Variants in PLXNA4 observed in about 807,000 individuals in gnomAD.
The protein encoded by PLXNA4 is plexin-A4.
In PLXNA4, 44 loss-of-function variants were observed where a neutral mutation model predicts 191.8. That is an observed-to-expected ratio of 0.23 (90% CI 0.18 to 0.29). PLXNA4 has a LOEUF of 0.29. Ranked by LOEUF, PLXNA4 falls within the 10% of genes least tolerant of loss-of-function variation. The probability of loss-of-function intolerance (pLI) is 1.00; values close to 1 mark genes in which losing one functional copy is unlikely to be tolerated. For missense variants in PLXNA4, 1,800 were observed against 2,488.8 expected (o/e 0.72, Z 5.89); for synonymous variants, 1,082 against 1,009.5 (o/e 1.07, Z -1.36).
At chr7:132,635,188 A>ATATATATATATATATATATATC in intron 2 of PLXNA4, among the ~76,000 whole-genome samples, 1 of 147,880 alleles carries the variant, frequency 6.8e-6, no homozygotes, top group African/African-American at 2.5e-5. Context: ...ATATATATAT[A>ATATATATATATATATATATATC]TATATATATA....
At chr7:132,428,868 G>A (rs2117183883) in intron 3 of PLXNA4, among the ~76,000 whole-genome samples, 1 of 152,246 alleles carries the variant, frequency 6.6e-6, no homozygotes, top group South Asian at 2.1e-4. Flanking sequence ...GCACTTCAGG[G>A]GAAAAGAAAA....
intron 3 of PLXNA4, among the ~76,000 whole-genome samples, chr7:132,342,689 A>G (rs1158457529): frequency 1.3e-5 from 2 of 151,972 alleles, no homozygotes; most frequent in Non-Finnish European, 2.9e-5. Context: ...GCTCACGCCT[A>G]TAATCCCAGC....
At chr7:132,263,029 G>C (rs147031288) in intron 4 of PLXNA4, among the ~76,000 whole-genome samples, 1 of 152,236 alleles carries the variant, frequency 6.6e-6, no homozygotes, top group South Asian at 2.1e-4. Flanking sequence ...GTGACCCCTC[G>C]TAAGCTTCCA....
chr7:132,647,370 C>T lies in PLXNA4; in HGVS notation c.-203+1144G>A, dbSNP rs558570216. On this transcript the variant is annotated intron_variant, in intron 1 of 4. Transcript: ENST00000378539. Reference sequence around the variant, plus strand: ...TCACACATACACTGACATACACACACACATGCAGTCATGCACATATACACT... The same window carrying T: ...TCACACATACACTGACATACACACATACATGCAGTCATGCACATATACACT... Among the ~76,000 whole-genome samples the T allele has an allele frequency of 6.3e-4, 95 of 151,854 alleles. 2 individuals are homozygous for T. Among genetic ancestry groups the T allele is most frequent in the Non-Finnish European group, 1.0e-3 (69 of 67,990 alleles).
At chr7:132,514,196 C>T (rs540267275) in intron 1 of PLXNA4, among the ~76,000 whole-genome samples, 33 of 151,538 alleles carry the variant, frequency 2.2e-4, no homozygotes, top group Non-Finnish European at 3.8e-4. Flanking sequence ...GGACTACAGG[C>T]GCCCGCCACC....
intron 3 of PLXNA4, among the ~76,000 whole-genome samples, chr7:132,355,002 G>A (rs1323691220): frequency 6.6e-6 from 1 of 152,184 alleles, no homozygotes; most frequent in Non-Finnish European, 1.5e-5. Flanking sequence ...AACTCTCCAC[G>A]ATGGGAGGTC....
At chr7:132,189,013 A>AAAG (rs1562909013) in intron 14 of PLXNA4, among the ~76,000 whole-genome samples, 3,187 of 67,646 alleles carry the variant, frequency 0.047, 172 homozygotes, top group African/African-American at 0.1. Flanking sequence ...AGAGAGAGAG[A>AAAG]GAGAGAGAGA....
intron 3 of PLXNA4, among the ~76,000 whole-genome samples, chr7:132,299,171 G>T (rs6957015): frequency 0.14 from 21,340 of 152,252 alleles, 1,772 homozygotes; most frequent in African/African-American, 0.22. Context: ...ATTACTGAGA[G>T]TGTGGCTAGG....
chr7:132,197,399 C>G (rs1341267449), intron 13 of PLXNA4, among the ~76,000 whole-genome samples: 1 of 152,176 alleles, frequency 6.6e-6, no homozygotes, highest in Non-Finnish European at 1.5e-5. Flanking sequence ...CTTTACTGAT[C>G]TAACTGGTAT....
chr7:132,124,085 T>A lies in PLXNA4; in HGVS notation c.*6394A>T, dbSNP rs1324021623. 1 of 152,232 alleles carries A rather than the reference T, an allele frequency of 6.6e-6. No individual in the cohort carries two copies. The highest frequency in any genetic ancestry group is 1.5e-5 in the Non-Finnish European group (1 of 68,066). 9.4% of individuals were successfully genotyped at this position (152,232 alleles called of 1,614,324 possible). On this transcript the variant is annotated 3_prime_UTR_variant, in exon 32 of 32. Transcript: ENST00000321063. ...CCCACCTCAGGGCCTGGAGGCCTTG[T>A]TCCTGCTCAAAGCAGCCAACACACG...
Position 132,355,773 on chromosome 7 carries a change from TGGGG to T in PLXNA4, c.1372-57555_1372-57552del, listed in dbSNP as rs548856862. 8.4e-4 allele frequency among the ~76,000 whole-genome samples: 127 copies of T among 151,702 alleles called. 1 individual carries two copies. Among genetic ancestry groups the T allele is most frequent in the African/African-American group, 2.7e-3 (111 of 41,320 alleles). On this transcript the variant is annotated intron_variant, in intron 3 of 31. Coordinates refer to ENST00000321063, the MANE Select transcript of PLXNA4 (RefSeq NM_020911.2). ...GGAAGGGGGAAAAATCAAGAGGCTT[TGGGG>T]AGGGAGAGAGAAGGAGAAAAATGGA...
chr7:132,294,443 C>T (rs575551546), intron 4 of PLXNA4, among the ~76,000 whole-genome samples: 1 of 152,300 alleles, frequency 6.6e-6, no homozygotes, highest in Non-Finnish European at 1.5e-5. Context: ...TCTTCATAGG[C>T]ACTTTGGTCA....
At chr7:132,480,693 G>A (rs1331879636) in intron 3 of PLXNA4, among the ~76,000 whole-genome samples, 2 of 152,138 alleles carry the variant, frequency 1.3e-5, no homozygotes, top group African/African-American at 4.8e-5. Context: ...CAGGCCAGGG[G>A]TAAGTGGAAA....
At chr7:132,143,669 G>A (rs545148535) in intron 29 of PLXNA4, among the ~76,000 whole-genome samples, 19 of 152,144 alleles carry the variant, frequency 1.2e-4, no homozygotes, top group Admixed American at 3.3e-4. Flanking sequence ...CAGTAGTCAC[G>A]CCACAAAGTC....
At chr7:132,455,438 G>GAC (rs138546621) in intron 3 of PLXNA4, among the ~76,000 whole-genome samples, 2 of 151,220 alleles carry the variant, frequency 1.3e-5, no homozygotes, top group African/African-American at 4.9e-5. Flanking sequence ...CCAAGTATAT[G>GAC]ACACACACAC....
Position 132,126,986 on chromosome 7 carries a change from G to C in PLXNA4, c.*3493C>G, listed in dbSNP as rs903008747. 1.3e-5 allele frequency: 2 copies of C among 151,804 alleles called. No homozygotes were observed. The highest frequency in any genetic ancestry group is 4.9e-5 in the African/African-American group (2 of 41,084). 9.4% of individuals were successfully genotyped at this position (151,804 alleles called of 1,614,324 possible). ...GAAATGTCAGGGTCTCTCCTTATGG[G>C]GAAGGACAAAGAATGGGTAAAAGCT... On this transcript the variant is annotated 3_prime_UTR_variant, in exon 32 of 32. Transcript: ENST00000321063.
chr7:132,174,375 A>C (rs564133021), intron 21 of PLXNA4, among the ~76,000 whole-genome samples: 1 of 152,308 alleles, frequency 6.6e-6, no homozygotes, highest in Non-Finnish European at 1.5e-5. Context: ...CTAAGTGGTA[A>C]ATCCCATATA....
At chr7:132,387,994 G>A (rs1348385401) in intron 3 of PLXNA4, among the ~76,000 whole-genome samples, 1 of 152,122 alleles carries the variant, frequency 6.6e-6, no homozygotes, top group Non-Finnish European at 1.5e-5. Context: ...CTCTGCTTCT[G>A]TCTGGGACTG....
At chr7:132,333,122 G>T (rs1486332012) in intron 3 of PLXNA4, among the ~76,000 whole-genome samples, 9 of 152,194 alleles carry the variant, frequency 5.9e-5, no homozygotes, top group Non-Finnish European at 1.5e-5. Context: ...GACATTCCTG[G>T]TTTCTGATGC....
Sources: gnomAD v4.1 joint callset for allele counts (sites outside exome capture counted in the v4.1 genomes callset) on GRCh38, gnomAD v4.1.1 for gene constraint, MANE v1.5 for transcripts, NCBI Gene and HGNC (gene_info 2026-07-23, HGNC 2026-07-21) for gene names.